The following TP73 variants were observed in gnomAD, a reference collection of about 807,000 sequenced individuals.
TP73 encodes the protein tumor protein p73, also known as p53-like transcription factor.
A neutral mutation model predicts 62.5 loss-of-function variants in TP73; 25 were observed. The ratio of observed to expected loss-of-function variants is 0.40; its 90% confidence interval spans 0.29 to 0.56. The LOEUF is 0.56. TP73 is among the 20% of genes least tolerant of loss of function. The pLI, the probability that TP73 is intolerant of heterozygous loss-of-function variation, is 0.46. For missense variants in TP73, 754 were observed against 913.3 expected (o/e 0.83, Z 2.25); for synonymous variants, 423 against 377.5 (o/e 1.12, Z -1.40).
In TP73 at chr1:3,701,870, C is replaced by T. The variant is rs565966311; in HGVS notation, c.187-5679C>T. Among the ~76,000 whole-genome samples the T allele has an allele frequency of 5.1e-4, 77 of 152,292 alleles. No homozygotes were observed. The highest frequency in any genetic ancestry group is 1.6e-3 in the African/African-American group (68 of 41,560). On this transcript the variant is annotated intron_variant, in intron 3 of 13. Coordinates refer to ENST00000378295, the MANE Select transcript of TP73 (RefSeq NM_005427.4). The surrounding 1 kb of genome is among the most constrained non-coding windows in gnomAD (Gnocchi z 4.7). ...AAAACGAAGACCTAGGGAGGTGGAG[C>T]GATGGGCCAGGTTACACAGGTGGAG...
At chr1:3,730,280 A>G in intron 11 of TP73, 132 bp downstream of exon 11, 1 of 1,135,348 alleles carries the variant, frequency 8.8e-7, no homozygotes. Flanking sequence ...CAGCGGTTCC[A>G]CCCTCTGGGC....
chr1:3,671,026 C>T (rs962452883), intron 1 of TP73, among the ~76,000 whole-genome samples: 2 of 152,156 alleles, frequency 1.3e-5, no homozygotes, highest in Non-Finnish European at 2.9e-5. Flanking sequence ...AATGGGGGTG[C>T]GCGGGCCCTG....
chr1:3,700,733 A>AT (rs1335235439), intron 3 of TP73, among the ~76,000 whole-genome samples: 2 of 151,876 alleles, frequency 1.3e-5, no homozygotes, highest in East Asian at 3.9e-4. Context: ...GTGAGCCGAG[A>AT]TCCCACCACT....
Position 3,682,392 on chromosome 1 carries a change from T to C in TP73, c.27T>C (p.Pro9=), listed in dbSNP as rs1489081603. MAQSTATS[P]DGGTTFEHLW... Reference sequence around the variant, plus strand: ...TGGCCCAGTCCACCGCCACCTCCCCTGATGGGGGCACCACGTTTGAGCACC... The same window carrying C: ...TGGCCCAGTCCACCGCCACCTCCCCCGATGGGGGCACCACGTTTGAGCACC... Residue 9 remains proline (P), a synonymous_variant, in exon 2 of 14, where the codon CCT becomes CCC. Transcript: ENST00000378295. 6.4e-7 allele frequency: 1 copy of C among 1,564,590 alleles called. No homozygotes were observed. Among genetic ancestry groups the C allele is most frequent in the South Asian group, 1.2e-5 (1 of 85,114 alleles).
chr1:3,659,696 T>A (rs1006049400), intron 1 of TP73, among the ~76,000 whole-genome samples: 9 of 152,116 alleles, frequency 5.9e-5, no homozygotes, highest in African/African-American at 1.4e-4. Context: ...TATTATTATT[T>A]TTGAGACAGA....
At chr1:3,722,292 G>C in intron 5 of TP73, 85 bp downstream of exon 5, 1 of 1,498,432 alleles carries the variant, frequency 6.7e-7, no homozygotes, top group Non-Finnish European at 9.1e-7. Flanking sequence ...AACTGGGAGA[G>C]AGTGGGGCTG....
At chr1:3,715,005 C>T (rs931872637) in intron 4 of TP73, among the ~76,000 whole-genome samples, 4 of 152,218 alleles carry the variant, frequency 2.6e-5, no homozygotes, top group Non-Finnish European at 2.9e-5. Context: ...ATCAGGACAG[C>T]GGCGACCGGG....
intron 3 of TP73, among the ~76,000 whole-genome samples, chr1:3,693,564 G>A (rs1450384708): frequency 6.6e-6 from 1 of 152,142 alleles, no homozygotes. Context: ...TCTCCTCTAT[G>A]ATGAGGACGG....
intron 9 of TP73, 66 bp downstream of exon 9, chr1:3,728,283 G>C: frequency 5.9e-6 from 9 of 1,537,686 alleles, no homozygotes; most frequent in Non-Finnish European, 7.1e-6. Context: ...CTGAGCCCAG[G>C]CTGGGCCATG....
intron 5 of TP73, among the ~76,000 whole-genome samples, chr1:3,722,917 GCACCTCTCTGCACCTGGCATGGGGCTGGA>G (rs1241366349): frequency 1.4e-5 from 2 of 146,682 alleles, no homozygotes; most frequent in Non-Finnish European, 1.5e-5. Context: ...ACAGGAGTGG[GCACCTCTCTGCACCTGGCATGGGGCTGGA>G]CACCTCTCTG....
In TP73 at chr1:3,672,470, C is replaced by T. The variant is rs925740726; in HGVS notation, c.-33-9863C>T. The stretch of plus-strand genomic sequence containing the variant: ...GAGGCTGTGGCAGCTCCAGCGAAGG[C>T]GGCTGCGGCCCCATCAGTCACCTGC... On this transcript the variant is annotated intron_variant, in intron 1 of 13. Transcript: ENST00000378295. The surrounding 1 kb of genome is among the most constrained non-coding windows in gnomAD (Gnocchi z 5.3). 4.6e-5 allele frequency among the ~76,000 whole-genome samples: 7 copies of T among 152,150 alleles called. No homozygotes were observed. In the East Asian group the frequency reaches 5.8e-4, roughly 13 times the overall value.
intron 1 of TP73, among the ~76,000 whole-genome samples, chr1:3,655,418 T>A (rs144650323): frequency 1.1e-3 from 168 of 152,330 alleles, no homozygotes; most frequent in African/African-American, 3.5e-3. Context: ...TTTTGGTGTG[T>A]GTTTCATGTA....
rs939021406 is a variant in TP73 at position 3,670,335 on chromosome 1, C to T, written c.-33-11998C>T. On this transcript the variant is annotated intron_variant, in intron 1 of 13. Coordinates refer to ENST00000378295, the MANE Select transcript of TP73 (RefSeq NM_005427.4). The surrounding 1 kb of genome is among the most constrained non-coding windows in gnomAD (Gnocchi z 5.9). ...AGTCTGAACTCAAGACTCAAGAGCCCCATGTCCAGGTGGGGATGTACAGGA... is the reference window on the plus strand; with the variant it reads ...AGTCTGAACTCAAGACTCAAGAGCCTCATGTCCAGGTGGGGATGTACAGGA... Among the ~76,000 whole-genome samples, 2 of 152,014 alleles carry T rather than the reference C, an allele frequency of 1.3e-5. No individual in the cohort carries two copies. The highest frequency in any genetic ancestry group is 2.9e-5 in the Non-Finnish European group (2 of 68,010).
At chr1:3,674,480 ATCC>A (rs1267305843) in intron 1 of TP73, among the ~76,000 whole-genome samples, 1 of 152,206 alleles carries the variant, frequency 6.6e-6, no homozygotes, top group Non-Finnish European at 1.5e-5. Flanking sequence ...TCTCAGCCGC[ATCC>A]TCCTCACCAG....
In TP73 at chr1:3,732,974, AGGC is replaced by A. The variant is rs1642255375; in HGVS notation, c.1813_1815del (p.Gly605del). 3 of 1,599,942 alleles carry A rather than the reference AGGC, an allele frequency of 1.9e-6. No homozygotes were observed. Among genetic ancestry groups the A allele is most frequent in the Non-Finnish European group, 2.6e-6 (3 of 1,175,886 alleles). Reference sequence around the variant, plus strand: ...TCACCATCCCCAACCGCGGCGGCCCAGGCGGCGGCCCTGACGAGTGGGCGGACT... The same window carrying A: ...TCACCATCCCCAACCGCGGCGGCCCAGGCGGCCCTGACGAGTGGGCGGACT... On this transcript the variant is annotated inframe_deletion, in exon 14 of 14. Transcript: ENST00000378295.
At chr1:3,722,278 G>T (rs1472519383) in intron 5 of TP73, 71 bp downstream of exon 5, 1 of 1,555,370 alleles carries the variant, frequency 6.4e-7, no homozygotes, top group South Asian at 1.2e-5. Context: ...GCCGGGGGCT[G>T]CCTAACTGGG....
At chr1:3,655,408 T>C (rs1035513088) in intron 1 of TP73, among the ~76,000 whole-genome samples, 4 of 152,150 alleles carry the variant, frequency 2.6e-5, no homozygotes, top group African/African-American at 9.7e-5. Flanking sequence ...CAAAAAATAC[T>C]TTTGGTGTGT....
rs1015075955 is a variant in TP73 at position 3,691,310 on chromosome 1, C to G, written c.186+8130C>G. Among the ~76,000 whole-genome samples, 4 of 152,174 alleles carry G rather than the reference C, an allele frequency of 2.6e-5. 1 individual carries two copies. Among genetic ancestry groups the G allele is most frequent in the Non-Finnish European group, 5.9e-5 (4 of 68,022 alleles). On this transcript the variant is annotated intron_variant, in intron 3 of 13. Coordinates refer to ENST00000378295, the MANE Select transcript of TP73 (RefSeq NM_005427.4). ...CCAGGCTCAGAGTTTCCGAGCTGCC[C>G]TGCCCTGCCCCAGCTGCCAGGAGCT...
chr1:3,683,722 C>T (rs548614043), intron 3 of TP73, among the ~76,000 whole-genome samples: 37 of 152,374 alleles, frequency 2.4e-4, no homozygotes, highest in Middle Eastern at 3.4e-3. Flanking sequence ...CATAGTCCAG[C>T]AGTCCTGCCT....
Sources: allele counts gnomAD v4.1 joint callset (sites outside exome capture counted in the v4.1 genomes callset), GRCh38; gene constraint gnomAD v4.1.1; non-coding constraint Gnocchi (gnomAD v3.1); transcripts MANE v1.5; gene names NCBI Gene and HGNC (gene_info 2026-07-23, HGNC 2026-07-21).